The following FREM2 variants were observed in gnomAD, a reference collection of about 807,000 sequenced individuals.
FREM2 encodes FRAS1 related extracellular matrix 2, also known as FRAS1-related extracellular matrix protein 2.
FREM2 carries 119 observed loss-of-function variants against 219.9 expected under a neutral mutation model. The observed-to-expected ratio is 0.54, with a 90% CI of 0.47 to 0.63. FREM2 has a LOEUF of 0.63. Among genes scored for constraint, FREM2 ranks in the 30% least tolerant of loss-of-function variants. The pLI is 0.00. For synonymous variants in FREM2, 1,562 were observed against 1,522.8 expected (o/e 1.03, Z -0.60); for missense variants, 4,030 against 3,993.6 (o/e 1.01, Z -0.25).
chr13:38,763,464 C>CTTTTTTT (rs1163604743), intron 2 of FREM2, among the ~76,000 whole-genome samples: 3 of 102,364 alleles, frequency 2.9e-5, no homozygotes, highest in Admixed American at 1.2e-4. Flanking sequence ...GTTACTTGGG[C>CTTTTTTT]TTTTTTTTTT....
At chr13:38,880,203 A>G (rs45625138) in intron 23 of FREM2, 81 bp from the exon 24 acceptor site, 658 of 1,381,570 alleles carry the variant, frequency 4.8e-4, no homozygotes, top group Non-Finnish European at 6.0e-4. Context: ...TATCTCTGCC[A>G]TTAATTTCTC....
intron 21 of FREM2, 137 bp downstream of exon 21, chr13:38,877,380 T>A: frequency 1.0e-6 from 1 of 970,532 alleles, no homozygotes; most frequent in Non-Finnish European, 1.7e-6. Context: ...CTTTACCCAC[T>A]CTGGCTGGTG....
At chr13:38,738,599 A>G (rs1347134556) in intron 2 of FREM2, among the ~76,000 whole-genome samples, 2 of 149,250 alleles carry the variant, frequency 1.3e-5, no homozygotes, top group Non-Finnish European at 3.0e-5. Context: ...AAAGAGAGAT[A>G]GAAAAAAAAG....
At chr13:38,741,638 C>A (rs1872253324) in intron 2 of FREM2, among the ~76,000 whole-genome samples, 1 of 152,122 alleles carries the variant, frequency 6.6e-6, no homozygotes, top group Admixed American at 6.5e-5. Flanking sequence ...ATAGTTATAA[C>A]TTTAATAGCA....
Position 38,688,952 on chromosome 13 carries a change from G to T in FREM2, c.1608G>T (p.Met536Ile). The change falls in exon 1 of 24, where the codon ATG becomes ATT. Residue 536 changes from methionine to isoleucine, a missense_variant. Coordinates refer to ENST00000280481, the MANE Select transcript of FREM2 (RefSeq NM_207361.6). ...TGAGCGACAACCTGGTGCTTCGCAT[G>T]GTGGATGGAGGAGGCAGGCACCAGG... ...GSLSDNLVLR[M>I]VDGGGRHQVQ... The T allele has an allele frequency of 6.2e-7, 1 of 1,613,302 alleles. No homozygotes were observed. The highest frequency in any genetic ancestry group is 8.5e-7 in the Non-Finnish European group (1 of 1,179,632).
At chr13:38,806,002 C>CTT (rs539709715) in intron 6 of FREM2, among the ~76,000 whole-genome samples, 2 of 142,204 alleles carry the variant, frequency 1.4e-5, no homozygotes. Context: ...CATTTAACAT[C>CTT]TTTTTTTTTT....
chr13:38,804,567 G>T (rs1047989587), intron 6 of FREM2, among the ~76,000 whole-genome samples: 12 of 152,030 alleles, frequency 7.9e-5, no homozygotes, highest in Admixed American at 7.9e-4. Flanking sequence ...GAAAAGCTAA[G>T]TATGTAAAAA....
intron 2 of FREM2, among the ~76,000 whole-genome samples, chr13:38,748,016 C>T (rs1872557984): frequency 1.3e-5 from 2 of 152,080 alleles, no homozygotes; most frequent in Non-Finnish European, 2.9e-5. Context: ...AAACAGGAGG[C>T]CGACATAGCT....
intron 2 of FREM2, among the ~76,000 whole-genome samples, chr13:38,754,327 G>T (rs1010219290): frequency 8.5e-5 from 13 of 152,268 alleles, no homozygotes; most frequent in Non-Finnish European, 1.8e-4. Flanking sequence ...TGATAGTAGA[G>T]GGAAACTCAC....
intron 6 of FREM2, among the ~76,000 whole-genome samples, chr13:38,843,185 G>A (rs559291994): frequency 5.7e-4 from 87 of 152,292 alleles, no homozygotes; most frequent in African/African-American, 2.0e-3. Flanking sequence ...TTAGTTGGGT[G>A]TAGGCTATGA....
intron 2 of FREM2, among the ~76,000 whole-genome samples, chr13:38,757,900 C>A (rs1306169643): frequency 6.6e-6 from 1 of 152,130 alleles, no homozygotes; most frequent in Admixed American, 6.5e-5. Flanking sequence ...ATTCCTCTTT[C>A]TCTACATTTC....
At chr13:38,873,084 A>T in intron 17 of FREM2, 150 bp downstream of exon 17, 1 of 707,238 alleles carries the variant, frequency 1.4e-6, no homozygotes, top group East Asian at 2.7e-5. Flanking sequence ...CACCTTTTTC[A>T]TCAAAAAACT....
At chr13:38,751,759 C>T (rs561978505) in intron 2 of FREM2, among the ~76,000 whole-genome samples, 8 of 152,010 alleles carry the variant, frequency 5.3e-5, no homozygotes, top group Non-Finnish European at 1.0e-4. Flanking sequence ...TCATGGACCT[C>T]GTTCCAAAAT....
rs1330847530 is a variant in FREM2 at position 38,692,101 on chromosome 13, C to A, written c.4757C>A (p.Thr1586Asn). The A allele has an allele frequency of 6.2e-7, 1 of 1,614,194 alleles. No individual in the cohort carries two copies. Among genetic ancestry groups the A allele is most frequent in the Non-Finnish European group, 8.5e-7 (1 of 1,180,016 alleles). ...CATGGCCATCTCCTATTCAACAATA[C>A]CAGACCTGTCATGGTTTTTACCAAG... Reference protein sequence around the residue: ...PIHGHLLFNNTRPVMVFTKQD... With the variant: ...PIHGHLLFNNNRPVMVFTKQD... Residue 1586 changes from threonine (T) to asparagine (N), a missense_variant, in exon 1 of 24, where the codon ACC (threonine) becomes AAC (asparagine). Physicochemically the swap from Thr to Asn is moderately conservative, Grantham distance 65. Transcript: ENST00000280481.
chr13:38,773,749 A>G (rs2137819498), intron 4 of FREM2, among the ~76,000 whole-genome samples: 1 of 152,224 alleles, frequency 6.6e-6, no homozygotes, highest in African/African-American at 2.4e-5. Context: ...TAACATGCGC[A>G]TAGAAAGTTC....
At chr13:38,804,714 G>A (rs1013620212) in intron 6 of FREM2, among the ~76,000 whole-genome samples, 5 of 152,140 alleles carry the variant, frequency 3.3e-5, no homozygotes, top group African/African-American at 1.2e-4. Flanking sequence ...AGATGAAAAG[G>A]ATGTAGATGA....
chr13:38,791,639 A>G (rs1455888583), intron 6 of FREM2, among the ~76,000 whole-genome samples: 1 of 152,168 alleles, frequency 6.6e-6, no homozygotes, highest in Non-Finnish European at 1.5e-5. Flanking sequence ...ATCAGCTCTG[A>G]GAACTCACTC....
intron 16 of FREM2, among the ~76,000 whole-genome samples, chr13:38,871,508 G>A (rs1386686266): frequency 6.6e-6 from 1 of 152,116 alleles, no homozygotes; most frequent in African/African-American, 2.4e-5. Context: ...GCCTTTGTTA[G>A]ATGACCTTAG....
intron 2 of FREM2, among the ~76,000 whole-genome samples, chr13:38,742,255 C>A (rs1872278232): frequency 6.6e-6 from 1 of 152,188 alleles, no homozygotes; most frequent in Admixed American, 6.5e-5. Context: ...AAAATATGCA[C>A]TTGCAATATC....
Sources: allele counts gnomAD v4.1 joint callset (sites outside exome capture counted in the v4.1 genomes callset), GRCh38; gene constraint gnomAD v4.1.1; transcripts MANE v1.5; gene names NCBI Gene and HGNC (gene_info 2026-07-23, HGNC 2026-07-21).